The following CCDC102B variants were observed in gnomAD, a reference collection of about 807,000 sequenced individuals.
CCDC102B encodes coiled-coil domain containing 102B, also known as coiled-coil domain-containing protein 102B.
CCDC102B carries 75 observed loss-of-function variants against 57.4 expected under a neutral mutation model. The ratio of observed to expected loss-of-function variants is 1.31; its 90% CI spans 1.08 to 1.58. CCDC102B has a LOEUF of 1.58. Among genes scored for constraint, CCDC102B ranks in the 40% most tolerant of loss-of-function variants. The pLI is 0.00. For missense variants in CCDC102B, 636 were observed against 582.6 expected, an observed-to-expected ratio of 1.09 and a Z score of -0.94; for synonymous variants, 206 against 201.9, an observed-to-expected ratio of 1.02 and a Z score of -0.17.
intron 2 of CCDC102B, among the ~76,000 whole-genome samples, chr18:68,790,528 G>A (rs1048637091): frequency 1.3e-5 from 2 of 152,166 alleles, no homozygotes; most frequent in Admixed American, 6.5e-5. Context: ...ATATAATCTC[G>A]TGGTGCGCCG....
intron 6 of CCDC102B, among the ~76,000 whole-genome samples, chr18:69,002,787 C>A (rs1158661924): frequency 1.3e-5 from 2 of 152,046 alleles, no homozygotes; most frequent in Non-Finnish European, 1.5e-5. Flanking sequence ...TTTTCCTTTA[C>A]TTTCCATGCC....
intron 6 of CCDC102B, among the ~76,000 whole-genome samples, chr18:68,932,918 T>C (rs1402431178): frequency 6.6e-6 from 1 of 151,906 alleles, no homozygotes; most frequent in East Asian, 1.9e-4. Flanking sequence ...AAATGTAATG[T>C]CCAGTAGACA....
chr18:68,802,206 T>C (rs1380762781), intron 1 of CCDC102B, among the ~76,000 whole-genome samples: 2 of 152,148 alleles, frequency 1.3e-5, no homozygotes, highest in African/African-American at 4.8e-5. Flanking sequence ...CTTTGTTCTA[T>C]CTTTGTTTGG....
chr18:68,783,052 A>G (rs879406586), intron 2 of CCDC102B, among the ~76,000 whole-genome samples: 1 of 152,060 alleles, frequency 6.6e-6, no homozygotes, highest in Non-Finnish European at 1.5e-5. Flanking sequence ...CATCTTTTCA[A>G]CAACTTACTG....
rs146782633 is a variant in CCDC102B, at chr18:68,968,750, C to T, written c.1264-42184C>T. On this transcript the variant is annotated intron_variant, in intron 6 of 7. Coordinates refer to ENST00000360242, the MANE Select transcript of CCDC102B (RefSeq NM_024781.3). ...CACAGTTCTGTTGTTTACTTCTATACCTATGACTATTTTATACGCCTCACA... is the reference window on the plus strand; with the variant it reads ...CACAGTTCTGTTGTTTACTTCTATATCTATGACTATTTTATACGCCTCACA... 3.9e-5 allele frequency among the ~76,000 whole-genome samples: 6 copies of T among 152,230 alleles called. No homozygotes were observed. In the East Asian group the frequency reaches 1.2e-3, roughly 29 times the overall value.
intron 4 of CCDC102B, among the ~76,000 whole-genome samples, chr18:68,857,084 ATATT>A (rs1343376044): frequency 1.9e-4 from 22 of 115,490 alleles, no homozygotes; most frequent in African/African-American, 7.5e-4. Context: ...ATATATAAAT[ATATT>A]TATATATTTT....
intron 1 of CCDC102B, among the ~76,000 whole-genome samples, chr18:68,832,569 T>C (rs2037191457): frequency 6.6e-6 from 1 of 152,090 alleles, no homozygotes; most frequent in African/African-American, 2.4e-5. Context: ...CTTCTGTTTC[T>C]AGTGATAGGT....
chr18:68,965,799 A>G (rs1319565164), intron 6 of CCDC102B, among the ~76,000 whole-genome samples: 1 of 152,058 alleles, frequency 6.6e-6, no homozygotes, highest in African/African-American at 2.4e-5. Flanking sequence ...TTGGTGTACT[A>G]TGTGATGAAA....
intron 1 of CCDC102B, among the ~76,000 whole-genome samples, chr18:68,821,771 G>C (rs2036700639): frequency 6.6e-6 from 1 of 151,934 alleles, no homozygotes; most frequent in South Asian, 2.1e-4. Flanking sequence ...ATTAGTAACT[G>C]AAACAAGTTT....
At chr18:68,834,774 A>G (rs1374581439) in intron 1 of CCDC102B, among the ~76,000 whole-genome samples, 2 of 151,886 alleles carry the variant, frequency 1.3e-5, no homozygotes, top group Non-Finnish European at 2.9e-5. Flanking sequence ...TATTAATAAG[A>G]TAGCCTTAAT....
chr18:69,015,853 TTA>T (rs1245814483), intron 7 of CCDC102B, among the ~76,000 whole-genome samples: 3 of 151,930 alleles, frequency 2.0e-5, no homozygotes, highest in African/African-American at 7.3e-5. Flanking sequence ...GCACATTTTT[TTA>T]TTTTTATTTT....
At chr18:68,736,691 A>G (rs1429410932) in intron 2 of CCDC102B, among the ~76,000 whole-genome samples, 1 of 152,138 alleles carries the variant, frequency 6.6e-6, no homozygotes, top group Non-Finnish European at 1.5e-5. Flanking sequence ...AAGCAAACTC[A>G]GAAACCTGTG....
At chr18:68,835,900 A>G (rs1401021823) in intron 1 of CCDC102B, among the ~76,000 whole-genome samples, 1 of 152,156 alleles carries the variant, frequency 6.6e-6, no homozygotes, top group Non-Finnish European at 1.5e-5. Flanking sequence ...CTCACATCCC[A>G]GCCGCCAGAG....
At chr18:68,933,408 C>T (rs1378163822) in intron 6 of CCDC102B, among the ~76,000 whole-genome samples, 1 of 151,732 alleles carries the variant, frequency 6.6e-6, no homozygotes, top group Non-Finnish European at 1.5e-5. Flanking sequence ...GCCAAATATT[C>T]TTAGTTTTAA....
chr18:68,967,618 T>C (rs576542253), intron 6 of CCDC102B, among the ~76,000 whole-genome samples: 1 of 152,256 alleles, frequency 6.6e-6, no homozygotes, highest in African/African-American at 2.4e-5. Flanking sequence ...AAAATAAAGA[T>C]ATTCCATAAC....
At chr18:68,727,776 A>G (rs2032665629) in intron 2 of CCDC102B, among the ~76,000 whole-genome samples, 1 of 152,238 alleles carries the variant, frequency 6.6e-6, no homozygotes, top group Non-Finnish European at 1.5e-5. Context: ...ATGGGAGAAT[A>G]GACCAGATTG....
upstream of CCDC102B, among the ~76,000 whole-genome samples, chr18:68,795,213 T>G (rs1054236100): frequency 6.6e-6 from 1 of 152,054 alleles, no homozygotes; most frequent in African/African-American, 2.4e-5. Context: ...GGGGCTAGAT[T>G]GAGATTACAA....
At position 69,054,125 on chromosome 18, in the gene CCDC102B, G is replaced by A. The variant is rs1486933840; in HGVS notation, c.1530G>A (p.Leu510=). ...NENLETELRH[L]QNW ...ACTTAGAGACTGAACTCAGGCACTT[G>A]CAAAACTGGTAATTTTTTCACAAAA... is the stretch of plus-strand genomic sequence containing the variant. The change falls in exon 8 of 8, where the codon TTG becomes TTA. Residue 510 remains leucine (L), a synonymous_variant. Coordinates refer to ENST00000360242, the MANE Select transcript of CCDC102B (RefSeq NM_024781.3). 3 of 1,599,040 alleles carry A rather than the reference G, an allele frequency of 1.9e-6. No homozygotes were observed. Among genetic ancestry groups the A allele is most frequent in the East Asian group, 4.5e-5 (2 of 43,986 alleles).
chr18:68,841,747 C>A (rs1355726889), intron 3 of CCDC102B, among the ~76,000 whole-genome samples: 1 of 151,372 alleles, frequency 6.6e-6, no homozygotes, highest in Non-Finnish European at 1.5e-5. Context: ...CTTTTCTTTA[C>A]TTTTTGAGAC....
Sources: gnomAD v4.1 joint callset for allele counts (sites outside exome capture counted in the v4.1 genomes callset) on GRCh38, gnomAD v4.1.1 for gene constraint, MANE v1.5 for transcripts, NCBI Gene and HGNC (gene_info 2026-07-23, HGNC 2026-07-21) for gene names.